Variants in GLI2 observed in about 807,000 individuals in gnomAD.
The protein encoded by GLI2 is GLI family zinc finger 2, also known as transcription activator GLI2.
A neutral mutation model predicts 78.9 loss-of-function variants in GLI2; 22 were observed. The ratio of observed to expected loss-of-function variants is 0.28; its 90% CI spans 0.20 to 0.40. The LOEUF (loss-of-function observed/expected upper bound fraction) is 0.40, where lower values mean the gene tolerates loss of function less well. Among genes scored for constraint, GLI2 ranks in the 10% least tolerant of loss-of-function variants. The pLI, the probability that GLI2 is intolerant of heterozygous loss-of-function variation, is 1.00. For synonymous variants in GLI2, 974 were observed against 963.7 expected (o/e 1.01, Z -0.20); for missense variants, 2,097 against 2,213.2 (o/e 0.95, Z 1.05).
chr2:120,805,423 C>T (rs947514402), intron 2 of GLI2, among the ~76,000 whole-genome samples: 1 of 152,368 alleles, frequency 6.6e-6, no homozygotes, highest in South Asian at 2.1e-4. Flanking sequence ...CTGTGTGCTC[C>T]CTGGGGCCTT....
At chr2:120,934,499 G>A (rs546258453) in intron 3 of GLI2, among the ~76,000 whole-genome samples, 1 of 152,366 alleles carries the variant, frequency 6.6e-6, no homozygotes, top group South Asian at 2.1e-4. Context: ...TGCATTGGCA[G>A]TCACGGCCCA....
intron 2 of GLI2, among the ~76,000 whole-genome samples, chr2:120,821,838 GC>G (rs1379086357): frequency 6.6e-6 from 1 of 152,174 alleles, no homozygotes; most frequent in Non-Finnish European, 1.5e-5. Flanking sequence ...CACCAGGGCC[GC>G]CCAGCTGGAT....
At chr2:120,940,877 C>T (rs892779952) in intron 3 of GLI2, among the ~76,000 whole-genome samples, 1 of 152,250 alleles carries the variant, frequency 6.6e-6, no homozygotes, top group Non-Finnish European at 1.5e-5. Context: ...TGCCCCCTCA[C>T]TACCTGGGTG....
At position 120,988,978 on chromosome 2, in the gene GLI2, G is replaced by A. The variant is rs1476635342; in HGVS notation, c.3013G>A (p.Gly1005Ser). 3 of 1,566,420 alleles carry A rather than the reference G, an allele frequency of 1.9e-6. No homozygotes were observed. The highest frequency in any genetic ancestry group is 1.7e-4 in the Middle Eastern group (1 of 5,988). Residue 1005 changes from glycine to serine, a missense_variant, in exon 14 of 14, where the codon GGC becomes AGC. By Grantham distance (56) the Gly-to-Ser change is moderately conservative (BLOSUM62 0). Transcript: ENST00000361492. ...HPSTDGGLAR[G>S]AYSPRPPSIS... ...GAGCACCGACGGCGGCCTGGCCCGCGGCGCCTACTCGCCCCGGCCGCCTAG... is the reference window on the plus strand; with the variant it reads ...GAGCACCGACGGCGGCCTGGCCCGCAGCGCCTACTCGCCCCGGCCGCCTAG...
At chr2:120,784,675 GC>G (rs1012328885) in intron 1 of GLI2, among the ~76,000 whole-genome samples, 2 of 151,932 alleles carry the variant, frequency 1.3e-5, no homozygotes, top group Admixed American at 6.6e-5. Context: ...CCTCCTGCTC[GC>G]CCCCCAGACA....
chr2:120,878,721 C>G (rs928007489), intron 2 of GLI2, among the ~76,000 whole-genome samples: 17 of 152,084 alleles, frequency 1.1e-4, no homozygotes, highest in African/African-American at 4.1e-4. Flanking sequence ...GATCACAGGT[C>G]AGGAGATCGA....
intron 2 of GLI2, among the ~76,000 whole-genome samples, chr2:120,850,504 A>C (rs1687351733): frequency 6.6e-6 from 1 of 152,180 alleles, no homozygotes. Context: ...GTCATATAGG[A>C]GGGACTCAAA....
At chr2:120,962,549 T>C (rs4848664) in intron 5 of GLI2, among the ~76,000 whole-genome samples, 121,912 of 152,080 alleles carry the variant, frequency 0.8, 52,935 homozygotes, top group East Asian at 1. Flanking sequence ...CAGGTGGTGT[T>C]GGCGTCCGCC....
chr2:120,827,832 A>C (rs1006876191), intron 2 of GLI2, among the ~76,000 whole-genome samples: 1 of 152,204 alleles, frequency 6.6e-6, no homozygotes, highest in Non-Finnish European at 1.5e-5. Flanking sequence ...GAGTCGTCAG[A>C]ATCGTAGAGA....
chr2:120,772,444 G>A (rs1208801906), intron 1 of GLI2, among the ~76,000 whole-genome samples: 2 of 152,226 alleles, frequency 1.3e-5, no homozygotes, highest in African/African-American at 2.4e-5. Context: ...ATATGGGCTA[G>A]TGTGGAGCCT....
chr2:120,877,360 CA>C (rs1014583916), intron 2 of GLI2, among the ~76,000 whole-genome samples: 126 of 152,018 alleles, frequency 8.3e-4, no homozygotes, highest in African/African-American at 2.5e-3. Flanking sequence ...ACGCATCCTT[CA>C]AAAAAAATAT....
At chr2:120,923,068 GCACA>G (rs370240979) in intron 2 of GLI2, among the ~76,000 whole-genome samples, 2 of 151,044 alleles carry the variant, frequency 1.3e-5, no homozygotes, top group Non-Finnish European at 3.0e-5. Flanking sequence ...CACACATATG[GCACA>G]CACACACACA....
chr2:120,850,371 C>T (rs1420715506), intron 2 of GLI2, among the ~76,000 whole-genome samples: 1 of 152,148 alleles, frequency 6.6e-6, no homozygotes, highest in Non-Finnish European at 1.5e-5. Context: ...GAGGACTAAA[C>T]TACTACCCTT....
chr2:120,839,084 T>G (rs1015037075), intron 2 of GLI2, among the ~76,000 whole-genome samples: 10 of 152,362 alleles, frequency 6.6e-5, no homozygotes, highest in African/African-American at 2.4e-4. Flanking sequence ...ATTCTTCTCC[T>G]TATTTAGTTG....
chr2:120,972,130 G>A (rs557691310), intron 8 of GLI2, 67 bp downstream of exon 8: 59 of 1,573,008 alleles, frequency 3.8e-5, no homozygotes, highest in Non-Finnish European at 4.8e-5. Flanking sequence ...CCTTGGGGCT[G>A]TACCCTTGGT....
At chr2:120,791,509 A>C (rs1684156882) in intron 1 of GLI2, among the ~76,000 whole-genome samples, 1 of 152,196 alleles carries the variant, frequency 6.6e-6, no homozygotes, top group Non-Finnish European at 1.5e-5. Flanking sequence ...GATTTCCCTT[A>C]ATCAGGGTGG....
At chr2:120,917,152 C>A (rs1164102442) in intron 2 of GLI2, among the ~76,000 whole-genome samples, 1 of 152,222 alleles carries the variant, frequency 6.6e-6, no homozygotes, top group Admixed American at 6.5e-5. Context: ...GGTTCATCAC[C>A]AGAATGACGG....
chr2:120,953,459 T>C (rs1053492912), intron 4 of GLI2, among the ~76,000 whole-genome samples: 2 of 152,238 alleles, frequency 1.3e-5, no homozygotes, highest in Non-Finnish European at 2.9e-5. Context: ...AAAGTTCTGT[T>C]GTTTTAACAA....
intron 3 of GLI2, among the ~76,000 whole-genome samples, chr2:120,946,064 T>G (rs1194054309): frequency 6.6e-6 from 1 of 151,768 alleles, no homozygotes; most frequent in Non-Finnish European, 1.5e-5. Flanking sequence ...GAACTCCTAT[T>G]CATCCCTCAA....
Sources: allele counts gnomAD v4.1 joint callset (sites outside exome capture counted in the v4.1 genomes callset), GRCh38; gene constraint gnomAD v4.1.1; transcripts MANE v1.5; gene names NCBI Gene and HGNC (gene_info 2026-07-23, HGNC 2026-07-21).